CRYZ: variants seen among roughly 807,000 people sequenced by gnomAD.
CRYZ encodes the protein zeta-crystallin.
CRYZ carries 35 observed loss-of-function variants against 34.1 expected under a neutral mutation model. The observed-to-expected ratio is 1.03, with a 90% confidence interval of 0.78 to 1.36. CRYZ has a LOEUF of 1.36. CRYZ is among the 40% of genes most tolerant of loss of function. The pLI is 0.00. For synonymous variants in CRYZ, 137 were observed against 136.5 expected, an observed-to-expected ratio of 1.00 and a Z score of -0.03; for missense variants, 403 against 391.8, an observed-to-expected ratio of 1.03 and a Z score of -0.24.
At chr1:74,723,035 A>C in intron 3 of CRYZ, 83 bp downstream of exon 3, 1 of 1,410,336 alleles carries the variant, frequency 7.1e-7, no homozygotes, top group Non-Finnish European at 9.8e-7. Context: ...TTAAAACCTT[A>C]AATAAGATGC....
At position 74,724,849 on chromosome 1, in the gene CRYZ, A is replaced by G. The variant is rs763792545; in HGVS notation, c.-13-15T>C. ...TGATCTAGATACTAAGGAAGAAAAA[A>G]AATTAATGTATTGTCACATTGTATC... is the stretch of plus-strand genomic sequence containing the variant. On this transcript the variant is annotated splice_polypyrimidine_tract_variant and intron_variant, in intron 1 of 8. Coordinates refer to ENST00000340866, the MANE Select transcript of CRYZ (RefSeq NM_001889.4). The G allele has an allele frequency of 7.0e-7, 1 of 1,425,048 alleles. No homozygotes were observed. Among genetic ancestry groups the G allele is most frequent in the Non-Finnish European group, 9.9e-7 (1 of 1,015,092 alleles). The allele number at this position is 1,425,048 out of a possible 1,614,324, so 88.3% of individuals were successfully genotyped here.
chr1:74,707,195 C>A lies in CRYZ; in HGVS notation c.640G>T (p.Gly214Cys). ...NYIDKIKKYV[G>C]EKGIDIIIEM... ...ATAATTATATCAATTCCTTTCTCAC[C>A]AACATACTTCTATATAATAAAAGAG... The change falls in exon 7 of 9, where the codon GGT becomes TGT. Residue 214 changes from glycine to cysteine, a missense_variant. Gly to Cys is a radical substitution (Grantham distance 159). Transcript: ENST00000340866. The A allele has an allele frequency of 6.6e-7, 1 of 1,505,814 alleles. No homozygotes were observed. Among genetic ancestry groups the A allele is most frequent in the Non-Finnish European group, 9.1e-7 (1 of 1,097,988 alleles). 93.3% of individuals were successfully genotyped at this position (1,505,814 alleles called of 1,614,324 possible). A position where few individuals can be genotyped will look rare whatever the true frequency, so the allele number is the denominator to read the frequency against.
At position 74,720,296 on chromosome 1, in the gene CRYZ, TAGG is replaced by T. The variant is rs1429613991; in HGVS notation, c.265-927_265-925del. ...AACACCCAAAGGCAGAAAACCATAC[TAGG>T]ACCCTGACAGCAGGATGACCCAGGA... On this transcript the variant is annotated intron_variant, in intron 3 of 8. Transcript: ENST00000340866. Among the ~76,000 whole-genome samples, 2 of 152,074 alleles carry T rather than the reference TAGG, an allele frequency of 1.3e-5. 1 individual carries two copies. The highest frequency in any genetic ancestry group is 2.9e-5 in the Non-Finnish European group (2 of 68,014).
At chr1:74,708,734 A>C (rs1467309164) in intron 6 of CRYZ, 1 of 152,178 alleles carries the variant, frequency 6.6e-6, no homozygotes, top group African/African-American at 2.4e-5. Flanking sequence ...CTCAGGCCAA[A>C]GACAGTTTTG....
At chr1:74,718,542 T>C (rs1264637262) in intron 4 of CRYZ, among the ~76,000 whole-genome samples, 1 of 152,148 alleles carries the variant, frequency 6.6e-6, no homozygotes, top group Non-Finnish European at 1.5e-5. Context: ...CGCTACTCTT[T>C]CTCTTGAAAT....
At chr1:74,709,407 T>C (rs984266209) in intron 6 of CRYZ, among the ~76,000 whole-genome samples, 2 of 152,050 alleles carry the variant, frequency 1.3e-5, no homozygotes, top group African/African-American at 4.8e-5. Context: ...GGCAAGATGA[T>C]TGCAAAAAAG....
chr1:74,732,164 G>T (rs552679357), intron 1 of CRYZ, among the ~76,000 whole-genome samples: 5 of 147,322 alleles, frequency 3.4e-5, no homozygotes, highest in African/African-American at 1.3e-4. Flanking sequence ...GTGGGAAGGA[G>T]CCCTACCTAG....
chr1:74,732,142 T>C (rs1262165552), intron 1 of CRYZ, among the ~76,000 whole-genome samples: 208 of 127,184 alleles, frequency 1.6e-3, no homozygotes, highest in African/African-American at 2.7e-3. Context: ...AGAAATCCCC[T>C]ACAGCTGGGC....
chr1:74,710,738 T>C (rs1461837099), intron 5 of CRYZ, among the ~76,000 whole-genome samples: 1 of 152,196 alleles, frequency 6.6e-6, no homozygotes, highest in Admixed American at 6.5e-5. Flanking sequence ...AAGAGATAGG[T>C]ATATGGGCAA....
At chr1:74,716,225 CAG>C (rs556458655) in intron 4 of CRYZ, among the ~76,000 whole-genome samples, 54 of 151,526 alleles carry the variant, frequency 3.6e-4, no homozygotes, top group African/African-American at 1.3e-3. Flanking sequence ...TGTATGTGTA[CAG>C]AGTGACTGAT....
intron 5 of CRYZ, among the ~76,000 whole-genome samples, chr1:74,711,026 G>C (rs1283732419): frequency 1.3e-5 from 2 of 152,170 alleles, no homozygotes; most frequent in Non-Finnish European, 2.9e-5. Context: ...AGAACATCCG[G>C]TCAGCCACGT....
intron 5 of CRYZ, 25 bp from the exon 6 acceptor site, chr1:74,710,272 G>A (rs758748119): frequency 6.2e-7 from 1 of 1,611,498 alleles, no homozygotes; most frequent in South Asian, 1.1e-5. Flanking sequence ...TAACCCAAGA[G>A]TTATATATTC....
intron 6 of CRYZ, 94 bp downstream of exon 6, chr1:74,710,004 C>T (rs1338093827): frequency 9.7e-7 from 1 of 1,035,240 alleles, no homozygotes; most frequent in Non-Finnish European, 1.4e-6. Flanking sequence ...AAGCAAACAG[C>T]TTTAAAGGAG....
chr1:74,719,334 C>T lies in CRYZ; in HGVS notation c.303G>A (p.Gly101=), dbSNP rs139024113. 3.2e-4 allele frequency: 520 copies of T among 1,612,922 alleles called. 4 individuals are homozygous for T. Among genetic ancestry groups the T allele is most frequent in the Non-Finnish European group, 3.8e-4 (446 of 1,179,048 alleles). Residue 101 remains glycine, a synonymous_variant, in exon 4 of 9, where the codon GGG becomes GGA. Transcript: ENST00000340866. Reference sequence around the variant, plus strand: ...CTGCAAGAGCATACTCTGCATAACCCCCAGAGATCGTGCTGCTAGTGAAAA... The same window carrying T: ...CTGCAAGAGCATACTCTGCATAACCTCCAGAGATCGTGCTGCTAGTGAAAA... ...DRVFTSSTIS[G]GYAEYALAAD...
intron 4 of CRYZ, among the ~76,000 whole-genome samples, chr1:74,718,533 G>A (rs777126109): frequency 9.9e-5 from 15 of 151,966 alleles, no homozygotes; most frequent in South Asian, 2.1e-4. Context: ...TTTATTCTTC[G>A]CTACTCTTTC....
At chr1:74,714,851 T>C (rs1453484671) in intron 4 of CRYZ, among the ~76,000 whole-genome samples, 1 of 152,222 alleles carries the variant, frequency 6.6e-6, no homozygotes, top group Admixed American at 6.5e-5. Flanking sequence ...GGAGTCTTTA[T>C]GTTCCAGGCA....
At chr1:74,708,003 G>C (rs1646952438) in intron 6 of CRYZ, 1 of 152,156 alleles carries the variant, frequency 6.6e-6, no homozygotes, top group South Asian at 2.1e-4. Context: ...GTTCCACAGA[G>C]ACGATGAACT....
In CRYZ at chr1:74,706,915, A is replaced by G; in HGVS notation, c.812T>C (p.Leu271Pro). 1 of 1,612,808 alleles carries G rather than the reference A, an allele frequency of 6.2e-7. No individual in the cohort carries two copies. ...AKESSIIGVT[L>P]FSSTKEEFQQ... ...TTTTCCTACCTTGGTTGAGGAAAAG[A>G]GAGTAACTCCAATTATACTCGACTC... The change falls in exon 8 of 9, where the codon CTC becomes CCC. Residue 271 changes from leucine to proline, a missense_variant. By Grantham distance (98) the Leu-to-Pro change is moderately conservative (BLOSUM62 -3). Coordinates refer to ENST00000340866, the MANE Select transcript of CRYZ (RefSeq NM_001889.4).
At chr1:74,725,109 C>A (rs1159680365) in intron 1 of CRYZ, among the ~76,000 whole-genome samples, 1 of 152,156 alleles carries the variant, frequency 6.6e-6, no homozygotes, top group East Asian at 1.9e-4. Context: ...TAGCATGATA[C>A]CATATTTAGG....
Sources: gnomAD v4.1 joint callset for allele counts (sites outside exome capture counted in the v4.1 genomes callset) on GRCh38, gnomAD v4.1.1 for gene constraint, MANE v1.5 for transcripts, NCBI Gene and HGNC (gene_info 2026-07-23, HGNC 2026-07-21) for gene names.